The following UNC13C variants were observed in gnomAD, a reference collection of about 807,000 sequenced individuals.
The protein encoded by UNC13C is protein unc-13 homolog C.
UNC13C carries 174 observed loss-of-function variants against 245.4 expected under a neutral mutation model. The observed-to-expected ratio is 0.71, with a 90% confidence interval of 0.63 to 0.80. UNC13C has a LOEUF of 0.80. Ranked by LOEUF, UNC13C falls within the 30% of genes least tolerant of loss-of-function variation. The pLI, the probability that UNC13C is intolerant of heterozygous loss-of-function variation, is 0.00. For synonymous variants in UNC13C, 992 were observed against 895.1 expected (o/e 1.11, Z -1.93); for missense variants, 2,829 against 2,602.9 (o/e 1.09, Z -1.89).
intron 2 of UNC13C, among the ~76,000 whole-genome samples, chr15:54,099,011 T>A (rs1181412864): frequency 6.6e-6 from 1 of 152,264 alleles, no homozygotes; most frequent in African/African-American, 2.4e-5. Flanking sequence ...TTATGTATTT[T>A]ATCTACCAAA....
At chr15:54,398,538 T>G (rs1487056673) in intron 18 of UNC13C, among the ~76,000 whole-genome samples, 1 of 151,424 alleles carries the variant, frequency 6.6e-6, no homozygotes, top group Non-Finnish European at 1.5e-5. Flanking sequence ...TTTTCTTTTC[T>G]GAATTTTTGA....
chr15:54,552,707 T>TATAATA (rs1896861275), intron 28 of UNC13C, among the ~76,000 whole-genome samples: 3 of 80,288 alleles, frequency 3.7e-5, no homozygotes, highest in African/African-American at 1.6e-4. Context: ...TTATATATAA[T>TATAATA]TATATTATAT....
chr15:54,281,736 A>G (rs2037002845), intron 10 of UNC13C, among the ~76,000 whole-genome samples: 1 of 152,242 alleles, frequency 6.6e-6, no homozygotes, highest in Non-Finnish European at 1.5e-5. Flanking sequence ...TTTAATTCTT[A>G]CAACAGTATT....
the UNC13C span, among the ~76,000 whole-genome samples, chr15:53,923,353 A>C: frequency 1.3e-5 from 2 of 152,254 alleles, no homozygotes; most frequent in Non-Finnish European, 2.9e-5. Flanking sequence ...GGATGAAAAA[A>C]GACTCTAGAA....
chr15:54,544,151 A>T (rs1896374250), intron 26 of UNC13C, among the ~76,000 whole-genome samples: 1 of 152,320 alleles, frequency 6.6e-6, no homozygotes, highest in East Asian at 1.9e-4. Context: ...TACACAAATC[A>T]GTAAATGTAA....
chr15:54,232,630 C>G (rs1016272910), intron 4 of UNC13C, among the ~76,000 whole-genome samples: 2 of 152,130 alleles, frequency 1.3e-5, no homozygotes, highest in Non-Finnish European at 1.5e-5. Flanking sequence ...AAATCAGTTT[C>G]TCAACCATCA....
intron 7 of UNC13C, 80 bp from the exon 8 acceptor site, chr15:54,250,144 GA>G: frequency 7.5e-7 from 1 of 1,332,714 alleles, no homozygotes; most frequent in Middle Eastern, 1.8e-4. Context: ...AGAGAAAAGT[GA>G]TAAAATGGTT....
At chr15:54,597,330 C>T (rs186581924) in intron 30 of UNC13C, among the ~76,000 whole-genome samples, 1 of 152,294 alleles carries the variant, frequency 6.6e-6, no homozygotes, top group Admixed American at 6.5e-5. Context: ...AGCAGCGTGC[C>T]AGCGAAGAAT....
the UNC13C span, among the ~76,000 whole-genome samples, chr15:53,862,005 G>A: frequency 5.3e-5 from 8 of 152,108 alleles, no homozygotes; most frequent in Non-Finnish European, 1.0e-4. Context: ...GACACCAGAT[G>A]TATTAGTCTG....
intron 25 of UNC13C, among the ~76,000 whole-genome samples, chr15:54,526,787 C>A (rs184318473): frequency 5.6e-4 from 83 of 149,516 alleles, no homozygotes; most frequent in Middle Eastern, 7.2e-3. Flanking sequence ...CAGGTAGGGA[C>A]TATCTCTGGC....
chr15:54,274,880 C>T (rs939634665), intron 10 of UNC13C, among the ~76,000 whole-genome samples: 3 of 151,958 alleles, frequency 2.0e-5, no homozygotes, highest in Non-Finnish European at 4.4e-5. Flanking sequence ...CCATGTTAGC[C>T]AGGATGGTCT....
chr15:54,408,217 A>AAAAAAAC (rs2040345371), intron 18 of UNC13C, among the ~76,000 whole-genome samples: 1 of 149,154 alleles, frequency 6.7e-6, no homozygotes, highest in South Asian at 2.1e-4. Flanking sequence ...AAAAAAAAAA[A>AAAAAAAC]AAAAAAAAAA....
chr15:54,596,163 G>A (rs1212693783), intron 30 of UNC13C, among the ~76,000 whole-genome samples: 1 of 152,150 alleles, frequency 6.6e-6, no homozygotes, highest in African/African-American at 2.4e-5. Context: ...CCAGAAATGT[G>A]TTAAGTTCCA....
At chr15:54,047,831 A>G (rs2141046197) in intron 2 of UNC13C, among the ~76,000 whole-genome samples, 1 of 152,278 alleles carries the variant, frequency 6.6e-6, no homozygotes, top group Non-Finnish European at 1.5e-5. Flanking sequence ...AATAACATAC[A>G]TTTTTAAATA....
At chr15:54,486,872 G>T (rs1893442870) in intron 19 of UNC13C, among the ~76,000 whole-genome samples, 1 of 152,138 alleles carries the variant, frequency 6.6e-6, no homozygotes, top group Admixed American at 6.5e-5. Context: ...GACAAGTCAT[G>T]CAGCATTCTT....
chr15:54,340,748 A>T (rs1015360188), intron 17 of UNC13C, among the ~76,000 whole-genome samples: 2 of 152,144 alleles, frequency 1.3e-5, no homozygotes, highest in Admixed American at 1.3e-4. Flanking sequence ...CCTTTTGCTT[A>T]GTCTTGCTTT....
At chr15:54,297,686 C>G (rs373941967) in intron 11 of UNC13C, 125 bp from the exon 12 acceptor site, 3 of 702,826 alleles carry the variant, frequency 4.3e-6, no homozygotes, top group South Asian at 3.3e-5. Flanking sequence ...AGCTCTGACT[C>G]AGAAAAATAG....
At chr15:53,953,425 G>GTCCAA in the UNC13C span, among the ~76,000 whole-genome samples, 4 of 152,172 alleles carry the variant, frequency 2.6e-5, no homozygotes, top group Non-Finnish European at 2.9e-5. Context: ...TCCAACTTCT[G>GTCCAA]TCCAATTCAA....
At chr15:54,171,740 A>G (rs1228510339) in intron 4 of UNC13C, among the ~76,000 whole-genome samples, 1 of 152,126 alleles carries the variant, frequency 6.6e-6, no homozygotes, top group Non-Finnish European at 1.5e-5. Context: ...TGATCCAGCA[A>G]TCCCACTGCT....
Sources: allele counts gnomAD v4.1 joint callset (sites outside exome capture counted in the v4.1 genomes callset), GRCh38; gene constraint gnomAD v4.1.1; transcripts MANE v1.5; gene names NCBI Gene and HGNC (gene_info 2026-07-23, HGNC 2026-07-21).